The following RAB3C variants were observed in gnomAD, a reference collection of about 807,000 sequenced individuals.
RAB3C encodes the protein ras-related protein Rab-3C.
In RAB3C, 17 loss-of-function variants were observed where a neutral mutation model predicts 26.4. That is an observed-to-expected ratio of 0.64 (90% CI 0.44 to 0.97). RAB3C has a LOEUF of 0.97. Among genes scored for constraint, RAB3C ranks in the 50% least tolerant of loss-of-function variants. The pLI, the probability that RAB3C is intolerant of heterozygous loss-of-function variation, is 0.00. For synonymous variants in RAB3C, 91 were observed against 95.9 expected (o/e 0.95, Z 0.30); for missense variants, 242 against 281.9 (o/e 0.86, Z 1.01).
intron 2 of RAB3C, among the ~76,000 whole-genome samples, chr5:58,675,163 C>T (rs771089474): frequency 1.2e-4 from 18 of 151,998 alleles, no homozygotes; most frequent in Non-Finnish European, 1.9e-4. Context: ...TCAATATCTA[C>T]CTTTCTGAAA....
intron 2 of RAB3C, among the ~76,000 whole-genome samples, chr5:58,667,649 C>T (rs1748029332): frequency 6.6e-6 from 1 of 152,118 alleles, no homozygotes; most frequent in Admixed American, 6.5e-5. Flanking sequence ...TACATGCTAG[C>T]CACTTTTCTA....
chr5:58,658,521 A>C (rs1420222297), intron 2 of RAB3C, among the ~76,000 whole-genome samples: 1 of 152,238 alleles, frequency 6.6e-6, no homozygotes, highest in Non-Finnish European at 1.5e-5. Flanking sequence ...AAATTATGCC[A>C]TGGTTAATGA....
intron 4 of RAB3C, among the ~76,000 whole-genome samples, chr5:58,848,781 T>C (rs746996145): frequency 6.6e-6 from 1 of 152,156 alleles, no homozygotes; most frequent in Non-Finnish European, 1.5e-5. Context: ...ATAAGGAAAT[T>C]AAGGATTTTT....
At chr5:58,607,535 A>G (rs1290874533) in intron 1 of RAB3C, among the ~76,000 whole-genome samples, 1 of 152,206 alleles carries the variant, frequency 6.6e-6, no homozygotes, top group African/African-American at 2.4e-5. Context: ...AAGGCAGGCC[A>G]ACATTCAAAT....
At chr5:58,768,148 T>C (rs1741948536) in intron 3 of RAB3C, among the ~76,000 whole-genome samples, 1 of 152,140 alleles carries the variant, frequency 6.6e-6, no homozygotes, top group African/African-American at 2.4e-5. Flanking sequence ...GAGACCTGTC[T>C]TGAACATGCT....
At chr5:58,824,941 T>C in intron 3 of RAB3C, 97 bp from the exon 4 acceptor site, 3 of 858,116 alleles carry the variant, frequency 3.5e-6, no homozygotes, top group Non-Finnish European at 5.3e-6. Flanking sequence ...TTTTTTCCTT[T>C]TGCTACCATC....
intron 2 of RAB3C, among the ~76,000 whole-genome samples, chr5:58,675,168 C>T (rs12152774): frequency 0.17 from 25,872 of 151,922 alleles, 2,297 homozygotes; most frequent in African/African-American, 0.2. Context: ...ATCTACCTTT[C>T]TGAAAAACAT....
intron 4 of RAB3C, among the ~76,000 whole-genome samples, chr5:58,826,463 G>A (rs1409558015): frequency 6.6e-6 from 1 of 152,120 alleles, no homozygotes. Flanking sequence ...TAGAGGTGAA[G>A]GAGTTGGAAT....
At chr5:58,686,618 G>A (rs1315722162) in intron 2 of RAB3C, among the ~76,000 whole-genome samples, 3 of 151,440 alleles carry the variant, frequency 2.0e-5, no homozygotes, top group Non-Finnish European at 4.4e-5. Context: ...TTGTTCTATA[G>A]CTGTCTCTAA....
At chr5:58,679,709 C>G (rs1301402199) in intron 2 of RAB3C, among the ~76,000 whole-genome samples, 1 of 152,200 alleles carries the variant, frequency 6.6e-6, no homozygotes, top group African/African-American at 2.4e-5. Context: ...TGCTTTTAAC[C>G]TCAAATTAAG....
chr5:58,790,013 C>T (rs1432824203), intron 3 of RAB3C, among the ~76,000 whole-genome samples: 1 of 152,168 alleles, frequency 6.6e-6, no homozygotes, highest in Non-Finnish European at 1.5e-5. Flanking sequence ...TAAAAGCTCC[C>T]CAGGTGATCC....
chr5:58,617,505 G>A, intron 1 of RAB3C, 138 bp from the exon 2 acceptor site: 1 of 790,286 alleles, frequency 1.3e-6, no homozygotes, highest in Non-Finnish European at 2.3e-6. Context: ...GAAGACTGGG[G>A]AGCACTCACC....
chr5:58,697,808 T>G (rs1384309602), intron 2 of RAB3C, among the ~76,000 whole-genome samples: 1 of 152,196 alleles, frequency 6.6e-6, no homozygotes, highest in Non-Finnish European at 1.5e-5. Flanking sequence ...ATTTTGAGCC[T>G]ATGTGCGTCT....
At chr5:58,696,760 T>C (rs188865003) in intron 2 of RAB3C, among the ~76,000 whole-genome samples, 71 of 152,372 alleles carry the variant, frequency 4.7e-4, no homozygotes, top group African/African-American at 1.7e-3. Flanking sequence ...ATGGGATTGC[T>C]GGTGATATCC....
chr5:58,716,053 A>T (rs1051313466), intron 2 of RAB3C, among the ~76,000 whole-genome samples: 12 of 138,976 alleles, frequency 8.6e-5, no homozygotes, highest in African/African-American at 2.6e-4. Context: ...AAGGAAAAAA[A>T]ATAATAAATA....
chr5:58,767,033 A>C (rs1277789849), intron 3 of RAB3C, among the ~76,000 whole-genome samples: 1 of 152,174 alleles, frequency 6.6e-6, no homozygotes, highest in Non-Finnish European at 1.5e-5. Context: ...GGACTCAGAC[A>C]GGGGCTGTCA....
At chr5:58,661,003 C>T (rs1287353667) in intron 2 of RAB3C, among the ~76,000 whole-genome samples, 3 of 149,946 alleles carry the variant, frequency 2.0e-5, no homozygotes, top group Middle Eastern at 3.2e-3. Flanking sequence ...GAGAGGTATG[C>T]AGACAAGCTT....
intron 2 of RAB3C, among the ~76,000 whole-genome samples, chr5:58,654,382 A>T (rs145662184): frequency 6.6e-6 from 1 of 152,298 alleles, no homozygotes; most frequent in African/African-American, 2.4e-5. Flanking sequence ...TTACAAAACA[A>T]TTTTACTTTA....
chr5:58,635,514 A>AT (rs1268324305), intron 2 of RAB3C, among the ~76,000 whole-genome samples: 6 of 152,200 alleles, frequency 3.9e-5, no homozygotes, highest in African/African-American at 1.4e-4. Context: ...TTCTACAGAT[A>AT]TTTTTTAGCC....
Sources: allele counts gnomAD v4.1 joint callset (sites outside exome capture counted in the v4.1 genomes callset), GRCh38; gene constraint gnomAD v4.1.1; transcripts MANE v1.5; gene names NCBI Gene and HGNC (gene_info 2026-07-23, HGNC 2026-07-21).